The following PPA2 variants were observed in gnomAD, a reference collection of about 807,000 sequenced individuals.
PPA2 encodes the protein inorganic pyrophosphatase 2, mitochondrial.
Under a neutral mutation model 49.5 loss-of-function variants are expected in PPA2, and 48 were observed. That is an observed-to-expected ratio of 0.97 (90% CI 0.77 to 1.23). The LOEUF (loss-of-function observed/expected upper bound fraction) is 1.23, where lower values mean the gene tolerates loss of function less well. Ranked by LOEUF, PPA2 falls within the 50% of genes most tolerant of loss-of-function variation. PPA2 has a pLI of 0.00. For synonymous variants in PPA2, 131 were observed against 139.9 expected (o/e 0.94, Z 0.45); for missense variants, 429 against 410.1 (o/e 1.05, Z -0.40).
chr4:105,455,306 A>G (rs947702306), intron 2 of PPA2, among the ~76,000 whole-genome samples: 3 of 152,224 alleles, frequency 2.0e-5, no homozygotes, highest in Non-Finnish European at 4.4e-5. Flanking sequence ...ACAGGAACAC[A>G]TATACACACG....
chr4:105,423,088 A>G (rs987299326), intron 7 of PPA2: 8 of 152,326 alleles, frequency 5.3e-5, no homozygotes, highest in African/African-American at 1.9e-4. Context: ...AAAAATAGAA[A>G]AAATCAGGGT....
intron 1 of PPA2, 100 bp downstream of exon 1, chr4:105,473,794 G>A (rs1723640700): frequency 6.6e-7 from 1 of 1,506,968 alleles, no homozygotes; most frequent in Non-Finnish European, 9.0e-7. Context: ...CCCAAAAAGA[G>A]AGAAGGGAGA....
chr4:105,379,326 G>C (rs2636720), intron 10 of PPA2, among the ~76,000 whole-genome samples: 56,710 of 151,258 alleles, frequency 0.37, 12,595 homozygotes, highest in East Asian at 0.68. Context: ...AAAAATACTT[G>C]CTTGAGATAT....
At chr4:105,424,762 G>A (rs779473098) in intron 6 of PPA2, among the ~76,000 whole-genome samples, 6 of 151,920 alleles carry the variant, frequency 3.9e-5, no homozygotes, top group Non-Finnish European at 7.4e-5. Context: ...ATCTCACTGA[G>A]GTTAAAAAAA....
At chr4:105,383,448 G>C (rs1733570742) in intron 10 of PPA2, among the ~76,000 whole-genome samples, 1 of 152,054 alleles carries the variant, frequency 6.6e-6, no homozygotes, top group African/African-American at 2.4e-5. Context: ...CTAACAATTT[G>C]TTTCGTCTCA....
intron 9 of PPA2, among the ~76,000 whole-genome samples, chr4:105,395,272 T>G (rs771308092): frequency 6.9e-6 from 1 of 145,358 alleles, no homozygotes; most frequent in Admixed American, 7.2e-5. Context: ...CTTTACTCCA[T>G]CTGATTACCT....
intron 10 of PPA2, among the ~76,000 whole-genome samples, chr4:105,382,722 G>A (rs1256416041): frequency 6.6e-6 from 1 of 152,054 alleles, no homozygotes; most frequent in African/African-American, 2.4e-5. Context: ...ATGTAGGCTG[G>A]GTGCGATGGC....
At chr4:105,388,209 A>C (rs978855007) in intron 9 of PPA2, among the ~76,000 whole-genome samples, 4 of 152,152 alleles carry the variant, frequency 2.6e-5, no homozygotes, top group African/African-American at 9.7e-5. Flanking sequence ...ACTTACATGG[A>C]ATAATATTTG....
chr4:105,453,595 T>C lies in PPA2; in HGVS notation c.267+3A>G. 1 of 1,597,528 alleles carries C rather than the reference T, an allele frequency of 6.3e-7. No homozygotes were observed. On this transcript the variant is annotated splice_donor_region_variant and intron_variant, in intron 3 of 11. Transcript: ENST00000341695. ...TCACAAAAATAAAAACCTTTGGATA[T>C]ACCTCATATTCATCATTTCGTGCTT...
intron 7 of PPA2, chr4:105,405,088 T>C (rs990977869): frequency 4.7e-5 from 23 of 493,918 alleles, no homozygotes; most frequent in Non-Finnish European, 6.0e-5. Context: ...GCCTCAAAAA[T>C]AAATAAATGA....
intron 8 of PPA2, among the ~76,000 whole-genome samples, chr4:105,397,088 A>G (rs1386761563): frequency 1.3e-5 from 2 of 152,212 alleles, no homozygotes; most frequent in Admixed American, 6.5e-5. Flanking sequence ...CAAAGCAGAA[A>G]GTTCTTTAGA....
At chr4:105,452,253 T>A (rs1722705117) in intron 3 of PPA2, among the ~76,000 whole-genome samples, 1 of 152,180 alleles carries the variant, frequency 6.6e-6, no homozygotes. Context: ...AGAATTAAAT[T>A]TTAATTTGAA....
At chr4:105,469,862 T>C (rs1215134973) in intron 1 of PPA2, among the ~76,000 whole-genome samples, 1 of 152,250 alleles carries the variant, frequency 6.6e-6, no homozygotes, top group Non-Finnish European at 1.5e-5. Context: ...TTGTGGATTA[T>C]TCACGGGAAG....
intron 9 of PPA2, among the ~76,000 whole-genome samples, chr4:105,392,959 C>T (rs1053446088): frequency 4.0e-4 from 61 of 151,906 alleles, no homozygotes; most frequent in African/African-American, 1.4e-3. Flanking sequence ...CTAGAGAAGA[C>T]GAAGTAAAAA....
chr4:105,448,450 A>G (rs906644408), intron 4 of PPA2, among the ~76,000 whole-genome samples: 1 of 152,130 alleles, frequency 6.6e-6, no homozygotes, highest in African/African-American at 2.4e-5. Context: ...AAGTAACGTA[A>G]ATTAAATTTC....
intron 9 of PPA2, among the ~76,000 whole-genome samples, chr4:105,392,045 A>G (rs1003991545): frequency 1.3e-5 from 2 of 152,186 alleles, no homozygotes; most frequent in African/African-American, 4.8e-5. Context: ...AAAATAAAGT[A>G]GTAAACAGAA....
intron 8 of PPA2, chr4:105,398,746 C>G: frequency 4.7e-6 from 1 of 212,454 alleles, no homozygotes; most frequent in Non-Finnish European, 9.2e-6. Flanking sequence ...GAAAGTTTTT[C>G]TATGTACACA....
intron 1 of PPA2, among the ~76,000 whole-genome samples, chr4:105,465,940 C>T (rs1032823683): frequency 6.6e-6 from 1 of 152,106 alleles, no homozygotes; most frequent in East Asian, 1.9e-4. Context: ...TCAATCTCTA[C>T]GTCACTTCTT....
At chr4:105,450,601 C>CTTGTTTTTTTTTTTT (rs1722628342) in intron 3 of PPA2, among the ~76,000 whole-genome samples, 1 of 82,678 alleles carries the variant, frequency 1.2e-5, no homozygotes, top group Non-Finnish European at 2.3e-5. Context: ...GTCTGGAATT[C>CTTGTTTTTTTTTTTT]TTTTTTTTTT....
Sources: gnomAD v4.1 joint callset for allele counts (sites outside exome capture counted in the v4.1 genomes callset) on GRCh38, gnomAD v4.1.1 for gene constraint, MANE v1.5 for transcripts, NCBI Gene and HGNC (gene_info 2026-07-23, HGNC 2026-07-21) for gene names.